Variants in ALK observed in about 807,000 individuals in gnomAD.
ALK encodes ALK tyrosine kinase receptor.
In ALK, 74 loss-of-function variants were observed where a neutral mutation model predicts 163.1. The observed-to-expected ratio is 0.45, with a 90% confidence interval of 0.38 to 0.55. The LOEUF (loss-of-function observed/expected upper bound fraction) is 0.55, where lower values mean the gene tolerates loss of function less well. ALK is among the 20% of genes least tolerant of loss of function. The probability of loss-of-function intolerance (pLI) is 0.00; values close to 1 mark genes in which losing one functional copy is unlikely to be tolerated. For synonymous variants in ALK, 960 were observed against 843.2 expected, an observed-to-expected ratio of 1.14 and a Z score of -2.40; for missense variants, 2,063 against 2,105.3, an observed-to-expected ratio of 0.98 and a Z score of 0.39.
chr2:29,228,446 A>G (rs1664079319), intron 16 of ALK, among the ~76,000 whole-genome samples: 1 of 152,164 alleles, frequency 6.6e-6, no homozygotes, highest in Admixed American at 6.5e-5. Flanking sequence ...AATAGCTCCC[A>G]TCAGCAGGCA....
intron 3 of ALK, among the ~76,000 whole-genome samples, chr2:29,649,244 A>AGAGAGAGAGAGAGAG (rs761848685): frequency 8.9e-6 from 1 of 112,174 alleles, no homozygotes; most frequent in African/African-American, 4.0e-5. Flanking sequence ...GAGAGAGAGA[A>AGAGAGAGAGAGAGAG]AGTGCGTGCG....
chr2:29,193,373 A>AC lies in ALK; in HGVS notation c.4713dup (p.Phe1572ValfsTer43). On this transcript the variant is annotated frameshift_variant, in exon 29 of 29. Coordinates refer to ENST00000389048, the MANE Select transcript of ALK (RefSeq NM_004304.5). LOFTEE classifies it low-confidence loss of function (END_TRUNC). ...CCACAAGGGAAGTGACGTAGCCTGA[A>AC]CAGAGGTACCTCCTTCATATTGGCA... 1 of 1,614,212 alleles carries AC rather than the reference A, an allele frequency of 6.2e-7. No individual in the cohort carries two copies. Among genetic ancestry groups the AC allele is most frequent in the Non-Finnish European group, 8.5e-7 (1 of 1,180,038 alleles).
intron 4 of ALK, among the ~76,000 whole-genome samples, chr2:29,490,817 C>T (rs188698046): frequency 8.0e-4 from 122 of 152,308 alleles, no homozygotes; most frequent in Non-Finnish European, 1.6e-3. Context: ...ATAACCATCT[C>T]ATGGCAGATC....
intron 1 of ALK, among the ~76,000 whole-genome samples, chr2:29,805,968 G>A (rs557612516): frequency 4.6e-5 from 7 of 152,282 alleles, no homozygotes; most frequent in Admixed American, 4.6e-4. Flanking sequence ...AAGGAACTCA[G>A]CACATTTGAC....
At chr2:29,524,434 A>G (rs1226621532) in intron 4 of ALK, among the ~76,000 whole-genome samples, 1 of 152,232 alleles carries the variant, frequency 6.6e-6, no homozygotes, top group Non-Finnish European at 1.5e-5. Flanking sequence ...ACAACACAAG[A>G]AAAGAAATGG....
intron 4 of ALK, among the ~76,000 whole-genome samples, chr2:29,491,245 A>G (rs976712934): frequency 6.6e-6 from 1 of 152,202 alleles, no homozygotes; most frequent in African/African-American, 2.4e-5. Context: ...TCAGATATGG[A>G]GTGTGGGCTC....
chr2:29,348,059 C>T (rs1668003633), intron 5 of ALK, among the ~76,000 whole-genome samples: 1 of 152,198 alleles, frequency 6.6e-6, no homozygotes, highest in Non-Finnish European at 1.5e-5. Flanking sequence ...TTCCCATCAA[C>T]TTGATACAGG....
chr2:29,768,369 C>T (rs755017794), intron 1 of ALK, among the ~76,000 whole-genome samples: 66 of 152,140 alleles, frequency 4.3e-4, no homozygotes, highest in Non-Finnish European at 6.6e-4. Flanking sequence ...AGGGAATCCA[C>T]CTCAGGAAAT....
chr2:29,669,832 A>G (rs1677628183), intron 3 of ALK, among the ~76,000 whole-genome samples: 2 of 151,590 alleles, frequency 1.3e-5, no homozygotes, highest in African/African-American at 4.8e-5. Flanking sequence ...TTAAAGAGAT[A>G]ACTTATCTTA....
In ALK at chr2:29,256,609, GT is replaced by G. The variant is rs542242958; in HGVS notation, c.2042-5343del. Among the ~76,000 whole-genome samples, 296 of 145,006 alleles carry G rather than the reference GT, an allele frequency of 2.0e-3. 2 individuals carry two copies. The highest frequency in any genetic ancestry group is 3.8e-3 in the East Asian group (19 of 4,962). On this transcript the variant is annotated intron_variant, in intron 11 of 28. Coordinates refer to ENST00000389048, the MANE Select transcript of ALK (RefSeq NM_004304.5). ...AAATCTCTAGGGAACACTTTTGAGT[GT>G]TTTTTTTTTTTCTTTTGAAATCCCT...
At chr2:29,543,340 G>A (rs1313897390) in intron 3 of ALK, among the ~76,000 whole-genome samples, 1 of 152,180 alleles carries the variant, frequency 6.6e-6, no homozygotes, top group Admixed American at 6.5e-5. Flanking sequence ...GAGAGACTAG[G>A]GAGGCTAACA....
chr2:29,322,910 T>C (rs1207060508), intron 6 of ALK, among the ~76,000 whole-genome samples: 1 of 152,144 alleles, frequency 6.6e-6, no homozygotes, highest in Non-Finnish European at 1.5e-5. Context: ...GATGGATTCC[T>C]GGAGGAAGGA....
At chr2:29,604,163 G>GTTTT (rs34399929) in intron 3 of ALK, among the ~76,000 whole-genome samples, 35 of 138,194 alleles carry the variant, frequency 2.5e-4, no homozygotes, top group Middle Eastern at 3.6e-3. Flanking sequence ...GAATAGAGAA[G>GTTTT]TTTTTTTTTT....
Position 29,869,621 on chromosome 2 carries a change from T to C in ALK, c.667+50372A>G, listed in dbSNP as rs554961392. Among the ~76,000 whole-genome samples, 14 of 152,278 alleles carry C rather than the reference T, an allele frequency of 9.2e-5. No individual in the cohort carries two copies. In the South Asian group the frequency reaches 1.7e-3, roughly 18 times the overall value. On this transcript the variant is annotated intron_variant, in intron 1 of 28. Transcript: ENST00000389048. Reference sequence around the variant, plus strand: ...ACTTGCTATAAATCAAAAAACTTTATATTAAAAAATCAAATAATGAGGAAG... The same window carrying C: ...ACTTGCTATAAATCAAAAAACTTTACATTAAAAAATCAAATAATGAGGAAG...
rs1553393864 is a variant in ALK at position 29,220,741 on chromosome 2, G to C, written c.3610C>G (p.Leu1204Val). 1.2e-6 allele frequency: 2 copies of C among 1,613,794 alleles called. No homozygotes were observed. The highest frequency in any genetic ancestry group is 1.1e-5 in the South Asian group (1 of 91,052). The change falls in exon 23 of 29, where the codon CTC becomes GTC. Residue 1204 changes from leucine (L) to valine (V), a missense_variant. Leu to Val is a conservative substitution (Grantham distance 32, BLOSUM62 1). This residue lies in a region of ALK where 575 missense variants were observed against 626.6 expected (regional missense o/e 0.92). Coordinates refer to ENST00000389048, the MANE Select transcript of ALK (RefSeq NM_004304.5). ...CGGGTCTCTCGGAGGAAGGACTTGA[G>C]GTCTCCCCCCGCCATGAGCTCCAGC... ...ILLELMAGGD[L>V]KSFLRETRPR...
intron 3 of ALK, among the ~76,000 whole-genome samples, chr2:29,591,509 C>T (rs1043960778): frequency 1.4e-4 from 21 of 152,260 alleles, no homozygotes; most frequent in African/African-American, 4.3e-4. Flanking sequence ...AACATTAAGG[C>T]TGATGACTAA....
chr2:29,685,736 T>C (rs1462290926), intron 3 of ALK, among the ~76,000 whole-genome samples: 1 of 152,110 alleles, frequency 6.6e-6, no homozygotes, highest in African/African-American at 2.4e-5. Context: ...TACCAGAAAG[T>C]GGGGGGCTGA....
intron 3 of ALK, among the ~76,000 whole-genome samples, chr2:29,612,512 A>G (rs930615780): frequency 6.6e-6 from 1 of 152,226 alleles, no homozygotes; most frequent in Non-Finnish European, 1.5e-5. Flanking sequence ...CATGAGGTCA[A>G]CTAATGCTCA....
At chr2:29,864,213 C>T (rs557432730) in intron 1 of ALK, among the ~76,000 whole-genome samples, 1 of 152,256 alleles carries the variant, frequency 6.6e-6, no homozygotes, top group South Asian at 2.1e-4. Context: ...GTACACATAC[C>T]CCTCCCTTTA....
Sources: gnomAD v4.1 joint callset for allele counts (sites outside exome capture counted in the v4.1 genomes callset) on GRCh38, gnomAD v4.1.1 for gene constraint, gnomAD v4.1.1 regional missense constraint, MANE v1.5 for transcripts, NCBI Gene and HGNC (gene_info 2026-07-23, HGNC 2026-07-21) for gene names.